PEAK1: variants seen among roughly 807,000 people sequenced by gnomAD.
The protein encoded by PEAK1 is inactive tyrosine-protein kinase PEAK1.
A neutral mutation model predicts 124.7 loss-of-function variants in PEAK1; 54 were observed. The observed-to-expected ratio is 0.43, with a 90% CI of 0.35 to 0.54. The LOEUF (loss-of-function observed/expected upper bound fraction) is 0.54. Among genes scored for constraint, PEAK1 ranks in the 20% least tolerant of loss-of-function variants. The pLI, the probability that PEAK1 is intolerant of heterozygous loss-of-function variation, is 0.01. For synonymous variants in PEAK1, 719 were observed against 760.0 expected, an observed-to-expected ratio of 0.95 and a Z score of 0.89; for missense variants, 2,046 against 2,134.5, an observed-to-expected ratio of 0.96 and a Z score of 0.82.
At chr15:77,260,717 T>G (rs776305891) in intron 5 of PEAK1, among the ~76,000 whole-genome samples, 9 of 152,302 alleles carry the variant, frequency 5.9e-5, no homozygotes, top group Admixed American at 1.3e-4. Flanking sequence ...GCTCCCAGCG[T>G]GAGCGACACA....
At chr15:77,215,855 C>T (rs2059126510) in intron 6 of PEAK1, among the ~76,000 whole-genome samples, 1 of 152,094 alleles carries the variant, frequency 6.6e-6, no homozygotes, top group Non-Finnish European at 1.5e-5. Flanking sequence ...GTTTCATGTA[C>T]AAGTTTAATA....
At chr15:77,330,199 T>TG (rs2065815406) in intron 2 of PEAK1, among the ~76,000 whole-genome samples, 1 of 152,160 alleles carries the variant, frequency 6.6e-6, no homozygotes, top group African/African-American at 2.4e-5. Context: ...GATTAACTAT[T>TG]GACATGTTGA....
chr15:77,414,574 G>A (rs539599189), intron 1 of PEAK1, among the ~76,000 whole-genome samples: 1 of 152,208 alleles, frequency 6.6e-6, no homozygotes, highest in Admixed American at 6.5e-5. Flanking sequence ...GGACAAGAAA[G>A]AATGGGCTTT....
At chr15:77,334,117 T>C in intron 2 of PEAK1, 1 of 894,960 alleles carries the variant, frequency 1.1e-6, no homozygotes, top group Non-Finnish European at 1.3e-6. Flanking sequence ...TGTTTTATCG[T>C]TTCTAAATAC....
intron 9 of PEAK1, among the ~76,000 whole-genome samples, chr15:77,119,050 G>GAATTTA (rs60141467): frequency 6.6e-6 from 1 of 151,338 alleles, no homozygotes. Context: ...AAACCAGGCT[G>GAATTTA]CTGAAGGTTG....
At chr15:77,218,008 A>T (rs2059223109) in intron 6 of PEAK1, among the ~76,000 whole-genome samples, 1 of 152,170 alleles carries the variant, frequency 6.6e-6, no homozygotes, top group African/African-American at 2.4e-5. Context: ...AGTATCTTTT[A>T]AAAAATTCCT....
chr15:77,235,755 G>A (rs1311065728), intron 6 of PEAK1, among the ~76,000 whole-genome samples: 1 of 152,194 alleles, frequency 6.6e-6, no homozygotes, highest in Non-Finnish European at 1.5e-5. Flanking sequence ...CAGGCCTGGA[G>A]GCCTAGGAGG....
intron 6 of PEAK1, among the ~76,000 whole-genome samples, chr15:77,199,049 AC>A (rs1449709706): frequency 1.3e-5 from 2 of 152,206 alleles, no homozygotes; most frequent in Admixed American, 1.3e-4. Context: ...GGCTAACTCG[AC>A]TGTTTTGCAC....
At chr15:77,284,079 T>C (rs2062801565) in intron 4 of PEAK1, 49 bp from the exon 5 acceptor site, 1 of 959,248 alleles carries the variant, frequency 1.0e-6, no homozygotes, top group African/African-American at 1.8e-5. Flanking sequence ...CAGAGTCACT[T>C]AGTCTAGCCC....
chr15:77,208,445 G>C (rs117088820), intron 6 of PEAK1, among the ~76,000 whole-genome samples: 407 of 152,202 alleles, frequency 2.7e-3, no homozygotes, highest in Non-Finnish European at 4.9e-3. Flanking sequence ...CCCTTGTCTA[G>C]AGTCACTAGT....
intron 1 of PEAK1, among the ~76,000 whole-genome samples, chr15:77,391,470 T>A (rs2070441943): frequency 1.2e-5 from 1 of 84,566 alleles, no homozygotes; most frequent in African/African-American, 4.8e-5. Flanking sequence ...CCAACCTAAC[T>A]CATGGCAAAA....
At chr15:77,228,740 A>G (rs2059784749) in intron 6 of PEAK1, among the ~76,000 whole-genome samples, 1 of 152,182 alleles carries the variant, frequency 6.6e-6, no homozygotes, top group African/African-American at 2.4e-5. Context: ...GTATGAAGAC[A>G]AATATATTAA....
intron 6 of PEAK1, among the ~76,000 whole-genome samples, chr15:77,236,349 T>C (rs1018297095): frequency 6.6e-6 from 1 of 152,352 alleles, no homozygotes; most frequent in East Asian, 1.9e-4. Flanking sequence ...ATGACCTGAA[T>C]GTGAGACGTG....
At position 77,114,482 on chromosome 15, in the gene PEAK1, G is replaced by C. The variant is rs756141749; in HGVS notation, c.4915C>G (p.Gln1639Glu). The C allele has an allele frequency of 7.4e-6, 12 of 1,613,938 alleles. No homozygotes were observed. The highest frequency in any genetic ancestry group is 1.3e-5 in the African/African-American group (1 of 74,916). Reference protein sequence around the residue: ...PFRSPYSRGLQQLASCLLNPN... With the variant: ...PFRSPYSRGLEQLASCLLNPN... ...TTCAGGAGGCAGCTGGCCAGCTGCT[G>C]CAGACCCCGGGAGTAGGGGGAGCGG... The change falls in exon 10 of 10, where the codon CAG becomes GAG. Residue 1639 changes from glutamine (Q) to glutamate (E), a missense_variant. Physicochemically the swap from Gln to Glu is conservative, Grantham distance 29. Transcript: ENST00000682557.
chr15:77,291,888 A>G (rs1446606790), intron 2 of PEAK1, among the ~76,000 whole-genome samples: 3 of 151,672 alleles, frequency 2.0e-5, no homozygotes, highest in African/African-American at 7.3e-5. Flanking sequence ...GAGGCAGGAG[A>G]ATGGCGTGAA....
intron 6 of PEAK1, among the ~76,000 whole-genome samples, chr15:77,210,015 G>T (rs1327886233): frequency 6.6e-6 from 1 of 152,054 alleles, no homozygotes; most frequent in East Asian, 1.9e-4. Context: ...TGTATCCCTG[G>T]GCCAGTTACT....
intron 6 of PEAK1, among the ~76,000 whole-genome samples, chr15:77,251,967 T>A (rs2060903190): frequency 6.6e-6 from 1 of 152,260 alleles, no homozygotes; most frequent in Admixed American, 6.5e-5. Flanking sequence ...AGAGCTGTGA[T>A]ACCACTGGAG....
At chr15:77,354,833 A>C (rs747262324) in intron 2 of PEAK1, among the ~76,000 whole-genome samples, 11 of 152,058 alleles carry the variant, frequency 7.2e-5, no homozygotes, top group Non-Finnish European at 1.2e-4. Flanking sequence ...AGGTCAGGAG[A>C]TCAAGGCCAT....
At chr15:77,263,750 T>C (rs1408309993) in intron 5 of PEAK1, among the ~76,000 whole-genome samples, 1 of 152,166 alleles carries the variant, frequency 6.6e-6, no homozygotes, top group African/African-American at 2.4e-5. Context: ...CCCTAACTCA[T>C]TTTATGAGGC....
Sources: gnomAD v4.1 joint callset for allele counts (sites outside exome capture counted in the v4.1 genomes callset) on GRCh38, gnomAD v4.1.1 for gene constraint, MANE v1.5 for transcripts, NCBI Gene and HGNC (gene_info 2026-07-23, HGNC 2026-07-21) for gene names.